HPS3: variants seen among roughly 807,000 people sequenced by gnomAD.
HPS3 encodes the protein BLOC-2 complex member HPS3.
HPS3 carries 79 observed loss-of-function variants against 110.9 expected under a neutral mutation model. The ratio of observed to expected loss-of-function variants is 0.71; its 90% confidence interval spans 0.59 to 0.86. The LOEUF (loss-of-function observed/expected upper bound fraction) is 0.86, where lower values mean the gene tolerates loss of function less well. Ranked by LOEUF, HPS3 falls within the 40% of genes least tolerant of loss-of-function variation. The pLI is 0.00. For synonymous variants in HPS3, 428 were observed against 451.0 expected (o/e 0.95, Z 0.65); for missense variants, 1,197 against 1,206.2 (o/e 0.99, Z 0.11).
intron 1 of HPS3, chr3:149,130,282 C>A: frequency 5.2e-6 from 2 of 383,742 alleles, no homozygotes; most frequent in African/African-American, 2.1e-5. Context: ...ATTTCAAAGA[C>A]TTACCAAAAA....
chr3:149,133,790 CTTTGT>C (rs2108118572), intron 1 of HPS3, among the ~76,000 whole-genome samples: 1 of 152,096 alleles, frequency 6.6e-6, no homozygotes, highest in East Asian at 1.9e-4. Context: ...ATGTACATTG[CTTTGT>C]TTTTTTGTTT....
rs1568711 is a variant in HPS3 at position 149,141,542 on chromosome 3, T to G, written c.970+162T>G. ...AAGTTTTTTTTTTTGTTTTTTTTTT[T>G]TTTTTTTTTTGAGACTGAGTCTCGC... On this transcript the variant is annotated intron_variant, in intron 4 of 16. Transcript: ENST00000296051. Among the ~76,000 whole-genome samples the G allele has an allele frequency of 0.29, 41,123 of 142,956 alleles. 5,581 individuals carry two copies. Among genetic ancestry groups the G allele is most frequent in the South Asian group, 0.45 (2,016 of 4,478 alleles). The allele number at this position is 142,956 out of a possible 152,430, so 93.8% of individuals were successfully genotyped here. A position where few individuals can be genotyped will look rare whatever the true frequency, so the allele number is the denominator to read the frequency against.
In HPS3 at chr3:149,167,191, C is replaced by T. The variant is rs186659271; in HGVS notation, c.2747C>T (p.Pro916Leu). 19 of 1,613,608 alleles carry T rather than the reference C, an allele frequency of 1.2e-5. No homozygotes were observed. The highest frequency in any genetic ancestry group is 1.7e-4 in the Middle Eastern group (1 of 6,056). ...ATAGACATACTGTTAGAGAGATGCC[C>T]GGAGGCAGTCATTCCATATGCTAAT... ...QCIDILLERCPEAVIPYANHE... is the reference protein window; with the variant it reads ...QCIDILLERCLEAVIPYANHE... The change falls in exon 15 of 17, where the codon CCG (proline) becomes CTG (leucine). Residue 916 changes from proline (P) to leucine (L), a missense_variant. Coordinates refer to ENST00000296051, the MANE Select transcript of HPS3 (RefSeq NM_032383.5).
intron 1 of HPS3, among the ~76,000 whole-genome samples, chr3:149,132,272 G>A (rs1204356783): frequency 6.6e-6 from 1 of 152,198 alleles, no homozygotes; most frequent in African/African-American, 2.4e-5. Flanking sequence ...GGCTAGAGAG[G>A]AGAAGATAAT....
intron 15 of HPS3, 45 bp from the exon 16 acceptor site, chr3:149,167,848 A>G: frequency 1.8e-6 from 2 of 1,095,792 alleles, no homozygotes; most frequent in Non-Finnish European, 2.8e-6. Context: ...AAATCTGAGA[A>G]TAAAATGCAT....
At position 149,155,143 on chromosome 3, in the gene HPS3, T is replaced by A; in HGVS notation, c.1437T>A (p.Pro479=). The part of the protein sequence containing the change: ...RKDTSVKIKI[P]PVAEAGWNLY... ...ATACCAGTGTTAAAATCAAAATACC[T>A]CCTGTAGCTGAGGCTGGGTGGAATT... The change falls in exon 8 of 17, where the codon CCT becomes CCA. Residue 479 remains proline (P), a synonymous_variant. Transcript: ENST00000296051. 6.2e-7 allele frequency: 1 copy of A among 1,609,984 alleles called. No individual in the cohort carries two copies. Among genetic ancestry groups the A allele is most frequent in the Non-Finnish European group, 8.5e-7 (1 of 1,176,252 alleles).
At position 149,153,620 on chromosome 3, in the gene HPS3, G is replaced by A; in HGVS notation, c.1372G>A (p.Glu458Lys). ...LTKAEPEAIP[E>K]RRQSPKRLLS... ...TAAAGCAGAACCTGAAGCCATTCCA[G>A]AGAGAAGACAGTCACCCAAGAGGCT... The change falls in exon 7 of 17, where the codon GAG becomes AAG. Residue 458 changes from glutamate to lysine, a missense_variant. Coordinates refer to ENST00000296051, the MANE Select transcript of HPS3 (RefSeq NM_032383.5). The A allele has an allele frequency of 6.2e-7, 1 of 1,614,212 alleles. No individual in the cohort carries two copies. The highest frequency in any genetic ancestry group is 8.5e-7 in the Non-Finnish European group (1 of 1,180,030).
Position 149,140,405 on chromosome 3 carries a change from T to C in HPS3, c.619T>C (p.Leu207=). The part of the protein sequence containing the change: ...YVAVMSDLEV[L]IVKLESGPKN... ...TGCTGTCATGTCAGACTTAGAAGTC[T>C]TAATCGTAAAACTGGAGTCAGGCCC... The change falls in exon 2 of 17, where the codon TTA becomes CTA. Residue 207 remains leucine (L), a synonymous_variant. Transcript: ENST00000296051. 1.9e-6 allele frequency: 3 copies of C among 1,611,480 alleles called. No homozygotes were observed. The highest frequency in any genetic ancestry group is 2.5e-6 in the Non-Finnish European group (3 of 1,178,810).
intron 11 of HPS3, among the ~76,000 whole-genome samples, chr3:149,160,480 G>A (rs938201777): frequency 2.0e-5 from 3 of 152,196 alleles, no homozygotes; most frequent in African/African-American, 7.2e-5. Context: ...TGACAGCAGT[G>A]GATATACAAA....
intron 6 of HPS3, among the ~76,000 whole-genome samples, chr3:149,151,587 T>TTAAAAAAAAAAAAAAAAAAAAAAAAA (rs1723115835): frequency 2.5e-5 from 1 of 40,300 alleles, no homozygotes; most frequent in African/African-American, 8.0e-5. Context: ...GCTTGGTTTC[T>TTAAAAAAAAAAAAAAAAAAAAAAAAA]AAAAAAAAAA....
chr3:149,141,608 A>G (rs1315676153), intron 4 of HPS3, among the ~76,000 whole-genome samples: 1 of 141,936 alleles, frequency 7.0e-6, no homozygotes, highest in African/African-American at 2.7e-5. Context: ...ATCTCGGCTC[A>G]CTGCAACTTC....
At chr3:149,137,991 T>TA (rs999415323) in intron 1 of HPS3, among the ~76,000 whole-genome samples, 17 of 151,534 alleles carry the variant, frequency 1.1e-4, no homozygotes, top group Non-Finnish European at 2.1e-4. Context: ...CGTACTACAA[T>TA]AAAAAAAATT....
chr3:149,158,886 A>G, intron 10 of HPS3, 40 bp downstream of exon 10: 2 of 1,381,512 alleles, frequency 1.4e-6, no homozygotes, highest in Non-Finnish European at 2.0e-6. Flanking sequence ...TATTTTTAAC[A>G]TTTCATTTTA....
chr3:149,143,291 A>G (rs1338470772), intron 4 of HPS3, among the ~76,000 whole-genome samples: 1 of 152,170 alleles, frequency 6.6e-6, no homozygotes, highest in Admixed American at 6.5e-5. Context: ...CGCTTATCTA[A>G]GACCTATTAT....
intron 14 of HPS3, among the ~76,000 whole-genome samples, chr3:149,165,379 AT>A (rs1423011503): frequency 6.6e-6 from 1 of 152,196 alleles, no homozygotes; most frequent in Non-Finnish European, 1.5e-5. Flanking sequence ...GTTTTAAAAT[AT>A]TTTAAAAGGA....
chr3:149,135,539 G>T (rs1722033782), intron 1 of HPS3, among the ~76,000 whole-genome samples: 1 of 152,104 alleles, frequency 6.6e-6, no homozygotes, highest in Non-Finnish European at 1.5e-5. Context: ...ATGATTATAA[G>T]TTTTCTGAGG....
chr3:149,129,836 G>C lies in HPS3; in HGVS notation c.113G>C (p.Gly38Ala). 6.2e-7 allele frequency: 1 copy of C among 1,604,818 alleles called. No homozygotes were observed. The highest frequency in any genetic ancestry group is 8.5e-7 in the Non-Finnish European group (1 of 1,179,052). Reference protein sequence around the residue: ...GGRDALFVAAGCKVEAFAVAG... With the variant: ...GGRDALFVAAACKVEAFAVAG... ...CGTGACGCGCTTTTCGTGGCGGCGG[G>C]CTGCAAGGTGGAGGCGTTCGCGGTG... Residue 38 changes from glycine to alanine, a missense_variant, in exon 1 of 17, where the codon GGC (glycine) becomes GCC (alanine). Gly to Ala is a moderately conservative substitution (Grantham distance 60, BLOSUM62 0). Transcript: ENST00000296051.
rs920976021 is a variant in HPS3 at position 149,157,417 on chromosome 3, A to G, written c.1577A>G (p.His526Arg). Residue 526 changes from histidine (H) to arginine (R), a missense_variant, in exon 9 of 17, where the codon CAT becomes CGT. His to Arg is a conservative substitution (Grantham distance 29, BLOSUM62 0). Coordinates refer to ENST00000296051, the MANE Select transcript of HPS3 (RefSeq NM_032383.5). ...QSCIHLLSEA[H>R]LLVRAALMDA... ...TGCATTCACCTTCTCAGTGAGGCTC[A>G]TCTGTTAGTGCGAGCTGCCCTGATG... 1.2e-6 allele frequency: 2 copies of G among 1,613,808 alleles called. No homozygotes were observed. Among genetic ancestry groups the G allele is most frequent in the South Asian group, 2.2e-5 (2 of 91,078 alleles).
At chr3:149,147,554 C>T (rs1015390700) in intron 5 of HPS3, among the ~76,000 whole-genome samples, 6 of 152,098 alleles carry the variant, frequency 3.9e-5, no homozygotes, top group Non-Finnish European at 8.8e-5. Context: ...AAAAGACTAT[C>T]CATCTTTTTC....
Sources: allele counts gnomAD v4.1 joint callset (sites outside exome capture counted in the v4.1 genomes callset), GRCh38; gene constraint gnomAD v4.1.1; transcripts MANE v1.5; gene names NCBI Gene and HGNC (gene_info 2026-07-23, HGNC 2026-07-21).